RGS7: variants seen among roughly 807,000 people sequenced by gnomAD.
RGS7 encodes the protein regulator of G protein signaling 7.
In RGS7, 27 loss-of-function variants were observed where a neutral mutation model predicts 81.1. The ratio of observed to expected loss-of-function variants is 0.33; its 90% CI spans 0.25 to 0.46. RGS7 has a LOEUF of 0.46. Ranked by LOEUF, RGS7 falls within the 20% of genes least tolerant of loss-of-function variation. The pLI is 1.00. For missense variants in RGS7, 396 were observed against 607.4 expected (o/e 0.65, Z 3.66); for synonymous variants, 208 against 207.7 (o/e 1.00, Z -0.01).
chr1:241,141,434 CCT>C (rs1400014783), intron 2 of RGS7, among the ~76,000 whole-genome samples: 1 of 152,162 alleles, frequency 6.6e-6, no homozygotes, highest in Non-Finnish European at 1.5e-5. Flanking sequence ...ATGAAGAAAC[CCT>C]GAGACTGGGT....
chr1:241,032,604 T>C (rs2060133611), intron 3 of RGS7, among the ~76,000 whole-genome samples: 1 of 152,210 alleles, frequency 6.6e-6, no homozygotes, highest in African/African-American at 2.4e-5. Context: ...TCTTCCGATC[T>C]ATGAGCATGG....
intron 3 of RGS7, among the ~76,000 whole-genome samples, chr1:241,061,873 T>G (rs977584240): frequency 6.6e-6 from 1 of 152,190 alleles, no homozygotes; most frequent in African/African-American, 2.4e-5. Context: ...ACCTTGACTC[T>G]GTGAAATTCT....
intron 2 of RGS7, among the ~76,000 whole-genome samples, chr1:241,261,059 A>G (rs2077305197): frequency 6.6e-6 from 1 of 152,010 alleles, no homozygotes; most frequent in African/African-American, 2.4e-5. Flanking sequence ...GTACCCTAAA[A>G]CTTAAAGTAT....
At chr1:240,891,846 G>A (rs967164968) in intron 6 of RGS7, among the ~76,000 whole-genome samples, 1 of 152,218 alleles carries the variant, frequency 6.6e-6, no homozygotes, top group Non-Finnish European at 1.5e-5. Context: ...CAGGGTAGCT[G>A]TGTGAGTTAA....
intron 2 of RGS7, among the ~76,000 whole-genome samples, chr1:241,334,931 G>C (rs541230060): frequency 6.6e-6 from 1 of 152,178 alleles, no homozygotes; most frequent in African/African-American, 2.4e-5. Context: ...ACAATCAGCA[G>C]GCAAGGGCAC....
intron 9 of RGS7, among the ~76,000 whole-genome samples, chr1:240,842,724 T>C (rs1658302389): frequency 2.6e-5 from 4 of 152,252 alleles, no homozygotes; most frequent in South Asian, 4.1e-4. Context: ...GACCAATACG[T>C]TGGAGTTGCA....
At chr1:241,198,389 T>C (rs1194248012) in intron 2 of RGS7, among the ~76,000 whole-genome samples, 2 of 151,814 alleles carry the variant, frequency 1.3e-5, no homozygotes, top group African/African-American at 4.8e-5. Context: ...AATAGAAGAA[T>C]AACTAAGAAA....
intron 3 of RGS7, among the ~76,000 whole-genome samples, chr1:241,034,767 G>A (rs190696035): frequency 3.3e-5 from 5 of 152,110 alleles, no homozygotes; most frequent in African/African-American, 7.2e-5. Context: ...AGAAGTTATC[G>A]AGGCCATAGG....
intron 4 of RGS7, among the ~76,000 whole-genome samples, chr1:240,945,614 C>T (rs1454520540): frequency 6.6e-6 from 1 of 152,188 alleles, no homozygotes; most frequent in Non-Finnish European, 1.5e-5. Flanking sequence ...AATGATAAGT[C>T]TAATTTCAAA....
chr1:240,993,351 T>C (rs1380803874), intron 3 of RGS7, among the ~76,000 whole-genome samples: 1 of 152,212 alleles, frequency 6.6e-6, no homozygotes, highest in Non-Finnish European at 1.5e-5. Context: ...CTACCAGCGA[T>C]GTAGGAGTGA....
chr1:240,880,591 C>T (rs755974856), intron 6 of RGS7, among the ~76,000 whole-genome samples: 5 of 152,154 alleles, frequency 3.3e-5, no homozygotes, highest in Non-Finnish European at 4.4e-5. Context: ...ACTGAGGTCA[C>T]GGACAAAGCT....
chr1:240,826,431 C>T (rs1692851143), intron 10 of RGS7, among the ~76,000 whole-genome samples: 1 of 152,008 alleles, frequency 6.6e-6, no homozygotes, highest in Non-Finnish European at 1.5e-5. Flanking sequence ...AGGAAATGGC[C>T]ACAGAAAAAA....
chr1:241,009,842 G>A (rs1211917734), intron 3 of RGS7, among the ~76,000 whole-genome samples: 1 of 152,216 alleles, frequency 6.6e-6, no homozygotes, highest in African/African-American at 2.4e-5. Context: ...AAAGCATTAA[G>A]TTGAGATGGT....
intron 2 of RGS7, among the ~76,000 whole-genome samples, chr1:241,129,720 G>T (rs1295400437): frequency 2.6e-5 from 4 of 152,008 alleles, no homozygotes; most frequent in Non-Finnish European, 4.4e-5. Flanking sequence ...TTTCTGGGTG[G>T]AGCCCAGAAA....
At chr1:241,231,436 C>A (rs545683349) in intron 2 of RGS7, among the ~76,000 whole-genome samples, 1 of 152,132 alleles carries the variant, frequency 6.6e-6, no homozygotes, top group Non-Finnish European at 1.5e-5. Flanking sequence ...CCATGCCTGG[C>A]TAATTTTTGT....
intron 2 of RGS7, among the ~76,000 whole-genome samples, chr1:241,335,766 G>A (rs562233035): frequency 1.3e-5 from 2 of 152,186 alleles, no homozygotes; most frequent in East Asian, 1.9e-4. Context: ...GGCTGCAGGA[G>A]AAGCCTTGAT....
At chr1:241,133,526 T>A (rs781539736) in intron 2 of RGS7, among the ~76,000 whole-genome samples, 13 of 151,672 alleles carry the variant, frequency 8.6e-5, no homozygotes, top group Non-Finnish European at 1.6e-4. Context: ...GGAAAGGAGA[T>A]ACAAATATAA....
At chr1:241,010,208 A>G (rs567460793) in intron 3 of RGS7, among the ~76,000 whole-genome samples, 1 of 152,288 alleles carries the variant, frequency 6.6e-6, no homozygotes, top group East Asian at 1.9e-4. Context: ...GAAACATGGT[A>G]TGACTTTCTG....
At chr1:240,943,697 T>C (rs1677989779) in intron 4 of RGS7, among the ~76,000 whole-genome samples, 1 of 152,072 alleles carries the variant, frequency 6.6e-6, no homozygotes, top group South Asian at 2.1e-4. Context: ...AAAAAGAAAT[T>C]AGGGACAAAC....
Sources: gnomAD v4.1 joint callset for allele counts (sites outside exome capture counted in the v4.1 genomes callset) on GRCh38, gnomAD v4.1.1 for gene constraint, MANE v1.5 for transcripts, NCBI Gene and HGNC (gene_info 2026-07-23, HGNC 2026-07-21) for gene names.